NXPH1: variants seen among roughly 807,000 people sequenced by gnomAD.
NXPH1 encodes the protein neurexophilin 1.
A neutral mutation model predicts 23.7 loss-of-function variants in NXPH1; 5 were observed. The ratio of observed to expected loss-of-function variants is 0.21; its 90% confidence interval spans 0.11 to 0.44. The LOEUF (loss-of-function observed/expected upper bound fraction) is 0.44. NXPH1 is among the 20% of genes least tolerant of loss of function. NXPH1 has a pLI of 0.99. For synonymous variants in NXPH1, 144 were observed against 122.2 expected (o/e 1.18, Z -1.18); for missense variants, 324 against 321.6 (o/e 1.01, Z -0.06).
intron 2 of NXPH1, among the ~76,000 whole-genome samples, chr7:8,608,304 A>G (rs988750424): frequency 1.3e-5 from 2 of 151,652 alleles, no homozygotes; most frequent in Non-Finnish European, 2.9e-5. Context: ...ATTATTCATT[A>G]GGACAAATTC....
intron 2 of NXPH1, among the ~76,000 whole-genome samples, chr7:8,474,978 G>C (rs1049448802): frequency 6.6e-6 from 1 of 152,132 alleles, no homozygotes; most frequent in Non-Finnish European, 1.5e-5. Context: ...CCAGGTCTGA[G>C]AGCAGAAATG....
intron 2 of NXPH1, among the ~76,000 whole-genome samples, chr7:8,436,422 G>A (rs1816195970): frequency 6.6e-6 from 1 of 152,118 alleles, no homozygotes; most frequent in Non-Finnish European, 1.5e-5. Context: ...CCATTATTAG[G>A]GAATGGTAGG....
intron 2 of NXPH1, among the ~76,000 whole-genome samples, chr7:8,733,336 CAT>C (rs1455210341): frequency 6.6e-6 from 1 of 152,182 alleles, no homozygotes; most frequent in Non-Finnish European, 1.5e-5. Context: ...CTGCAATAAA[CAT>C]ATGCATGTAT....
At chr7:8,681,777 G>A (rs1186778033) in intron 2 of NXPH1, among the ~76,000 whole-genome samples, 2 of 152,178 alleles carry the variant, frequency 1.3e-5, no homozygotes, top group East Asian at 1.9e-4. Context: ...CCTGTGTCAG[G>A]CTGCATCTGA....
chr7:8,748,372 G>A (rs953477884), intron 2 of NXPH1, among the ~76,000 whole-genome samples: 12 of 152,188 alleles, frequency 7.9e-5, no homozygotes, highest in South Asian at 2.1e-4. Context: ...AGTTGGCAGC[G>A]AAGATAACCT....
At chr7:8,576,107 T>C (rs1382840925) in intron 2 of NXPH1, among the ~76,000 whole-genome samples, 1 of 152,216 alleles carries the variant, frequency 6.6e-6, no homozygotes, top group Non-Finnish European at 1.5e-5. Flanking sequence ...CAAGAACTGA[T>C]GAAGAGAGAT....
At chr7:8,531,433 A>G (rs1817948426) in intron 2 of NXPH1, among the ~76,000 whole-genome samples, 1 of 152,172 alleles carries the variant, frequency 6.6e-6, no homozygotes, top group African/African-American at 2.4e-5. Flanking sequence ...TCTCTTCCCA[A>G]GTGAGGTGGA....
intron 2 of NXPH1, among the ~76,000 whole-genome samples, chr7:8,743,353 C>A (rs1052729143): frequency 2.1e-5 from 3 of 143,236 alleles, no homozygotes; most frequent in Non-Finnish European, 4.7e-5. Flanking sequence ...AAGAGATATA[C>A]AAATGTTTGG....
Position 8,510,073 on chromosome 7 carries a change from C to T in NXPH1, c.54+74306C>T, listed in dbSNP as rs1354937287. ...GAAGCTTACTGTGCACCCTGACATG[C>T]TGACTATTCAAATGGGTCTCTCTCA... is the stretch of plus-strand genomic sequence containing the variant. On this transcript the variant is annotated intron_variant, in intron 2 of 2. Coordinates refer to ENST00000405863, the MANE Select transcript of NXPH1 (RefSeq NM_152745.3). Among the ~76,000 whole-genome samples, 5 of 152,208 alleles carry T rather than the reference C, an allele frequency of 3.3e-5. No homozygotes were observed. The East Asian group carries it at 9.7e-4, about 30-fold the overall frequency.
intron 2 of NXPH1, among the ~76,000 whole-genome samples, chr7:8,643,471 A>T (rs78945052): frequency 0.047 from 7,213 of 152,158 alleles, 380 homozygotes; most frequent in East Asian, 0.17. Context: ...TTCTGCTTTG[A>T]TCAGGTTATG....
chr7:8,572,131 C>T (rs1407759859), intron 2 of NXPH1, among the ~76,000 whole-genome samples: 1 of 151,780 alleles, frequency 6.6e-6, no homozygotes, highest in Non-Finnish European at 1.5e-5. Context: ...TTAAATAATG[C>T]ATGGAATATA....
chr7:8,463,893 A>T (rs534826032), intron 2 of NXPH1, among the ~76,000 whole-genome samples: 3 of 152,172 alleles, frequency 2.0e-5, no homozygotes, highest in African/African-American at 7.2e-5. Flanking sequence ...TATTGCTGGC[A>T]TTATTTCTCC....
At chr7:8,582,296 G>A (rs932831243) in intron 2 of NXPH1, among the ~76,000 whole-genome samples, 3 of 152,182 alleles carry the variant, frequency 2.0e-5, no homozygotes, top group African/African-American at 7.2e-5. Flanking sequence ...GGTGAGTGGG[G>A]TCTGTGTTTC....
rs537400188 is a variant in NXPH1 at position 8,532,380 on chromosome 7, C to T, written c.54+96613C>T. 4.0e-5 allele frequency among the ~76,000 whole-genome samples: 6 copies of T among 148,310 alleles called. No individual in the cohort carries two copies. In the South Asian group the frequency reaches 1.3e-3, roughly 31 times the overall value. ...AGGCAGGAAAGAAGGAAAGCATTTGCTGCAGCCTGCCCCTATGTTGTACCC... is the reference window on the plus strand; with the variant it reads ...AGGCAGGAAAGAAGGAAAGCATTTGTTGCAGCCTGCCCCTATGTTGTACCC... On this transcript the variant is annotated intron_variant, in intron 2 of 2. Coordinates refer to ENST00000405863, the MANE Select transcript of NXPH1 (RefSeq NM_152745.3).
chr7:8,597,072 C>T (rs1264034900), intron 2 of NXPH1, among the ~76,000 whole-genome samples: 3 of 152,104 alleles, frequency 2.0e-5, no homozygotes, highest in African/African-American at 7.2e-5. Flanking sequence ...TGGGGATGGT[C>T]ATTCACAGCT....
At chr7:8,575,191 T>C (rs1018900113) in intron 2 of NXPH1, among the ~76,000 whole-genome samples, 1 of 152,220 alleles carries the variant, frequency 6.6e-6, no homozygotes, top group African/African-American at 2.4e-5. Flanking sequence ...TAATCCATTT[T>C]TCTTTTGGCC....
At chr7:8,471,312 C>T (rs1267155454) in intron 2 of NXPH1, among the ~76,000 whole-genome samples, 1 of 152,146 alleles carries the variant, frequency 6.6e-6, no homozygotes, top group Non-Finnish European at 1.5e-5. Context: ...TGAACCCTCA[C>T]TCTGAGGGGA....
At chr7:8,707,429 G>T (rs1583239410) in intron 2 of NXPH1, among the ~76,000 whole-genome samples, 2 of 152,210 alleles carry the variant, frequency 1.3e-5, no homozygotes, top group South Asian at 4.1e-4. Context: ...TAAATAGTAT[G>T]TTCCACAAGG....
intron 2 of NXPH1, among the ~76,000 whole-genome samples, chr7:8,661,101 A>G (rs1283709042): frequency 1.3e-5 from 2 of 152,210 alleles, no homozygotes; most frequent in Non-Finnish European, 1.5e-5. Context: ...TCATATCTGA[A>G]TAATAAGTAG....
Sources: gnomAD v4.1 joint callset for allele counts (sites outside exome capture counted in the v4.1 genomes callset) on GRCh38, gnomAD v4.1.1 for gene constraint, MANE v1.5 for transcripts, NCBI Gene and HGNC (gene_info 2026-07-23, HGNC 2026-07-21) for gene names.